ARMCX4: variants seen among roughly 807,000 people sequenced by gnomAD.
ARMCX4 encodes the protein armadillo repeat containing X-linked 4.
Under a neutral mutation model 34.7 loss-of-function variants are expected in ARMCX4, and 3 were observed. The observed-to-expected ratio is 0.09, with a 90% CI of 0.04 to 0.22. ARMCX4 has a LOEUF of 0.22. Among genes scored for constraint, ARMCX4 ranks in the 10% least tolerant of loss-of-function variants. ARMCX4 has a pLI of 1.00. For synonymous variants in ARMCX4, 513 were observed against 632.8 expected, an observed-to-expected ratio of 0.81 and a Z score of 2.84; for missense variants, 1,448 against 1,720.8, an observed-to-expected ratio of 0.84 and a Z score of 2.81.
intron 7 of ARMCX4, among the ~76,000 whole-genome samples, chrX:101,504,180 G>T (rs1165415084): frequency 9.0e-6 from 1 of 111,388 alleles, no homozygotes; most frequent in African/African-American, 3.3e-5. Context: ...TGCTGTTTTG[G>T]TTACTGTAGC....
intron 4 of ARMCX4, among the ~76,000 whole-genome samples, chrX:101,469,244 A>G (rs1357618829): frequency 8.9e-6 from 1 of 112,410 alleles, no homozygotes; most frequent in Non-Finnish European, 1.9e-5. Flanking sequence ...TGCAAAGATA[A>G]TTTTTGCAGC....
chrX:101,443,294 T>G (rs934715898), intron 2 of ARMCX4, among the ~76,000 whole-genome samples: 2 of 110,758 alleles, frequency 1.8e-5, no homozygotes, highest in Non-Finnish European at 3.8e-5. Context: ...TCTCTTGCCC[T>G]TCTGTCCCTT....
chrX:101,488,946 G>C lies in ARMCX4; in HGVS notation c.357G>C (p.Val119=). The change falls in exon 6 of 6, where the codon GTG becomes GTC. Residue 119 remains valine, a synonymous_variant. Coordinates refer to ENST00000423738, the MANE Select transcript of ARMCX4 (RefSeq NM_001256155.3). ...CAGAGACTCAATCTGAGTCCAAAGT[G>C]GTGGCTGGAACACTGGTCATGACAG... is the stretch of plus-strand genomic sequence containing the variant. ...AEPETQSESK[V]VAGTLVMTEA... The C allele has an allele frequency of 8.6e-7, 1 of 1,156,173 alleles. No individual in the cohort carries two copies. The highest frequency in any genetic ancestry group is 1.1e-6 in the Non-Finnish European group (1 of 873,083).
intron 11 of ARMCX4, among the ~76,000 whole-genome samples, chrX:101,525,856 A>G (rs1934960419): frequency 8.9e-6 from 1 of 111,990 alleles, no homozygotes; most frequent in South Asian, 3.7e-4. Flanking sequence ...ATGTGAAAAG[A>G]CCAAATCTGT....
downstream of ARMCX4, among the ~76,000 whole-genome samples, chrX:101,497,850 T>TA (rs1163211324): frequency 1.8e-5 from 2 of 112,129 alleles, no homozygotes; most frequent in African/African-American, 6.5e-5. Flanking sequence ...TACTCTACTG[T>TA]AAAAAAATAA....
chrX:101,512,890 A>AAG (rs1262070069), intron 11 of ARMCX4, among the ~76,000 whole-genome samples: 7 of 104,096 alleles, frequency 6.7e-5, no homozygotes, highest in Non-Finnish European at 1.2e-4. Flanking sequence ...AGAGAGAGAG[A>AAG]AGAGAGAGAG....
Position 101,493,337 on chromosome X carries a change from G to C in ARMCX4, c.4748G>C (p.Gly1583Ala), listed in dbSNP as rs149021828. The C allele has an allele frequency of 5.1e-3, 5,936 of 1,153,948 alleles. 160 individuals carry two copies. The African/African-American group carries it at 0.086, about 17-fold the overall frequency. ...GGATTTGAGGATCAGGCCATTGGAGGGGGGTTCTGGCCTGGTGCTGGGGAC... is the reference window on the plus strand; with the variant it reads ...GGATTTGAGGATCAGGCCATTGGAGCGGGGTTCTGGCCTGGTGCTGGGGAC... ...KPGFEDQAIG[G>A]GFWPGAGDQT... Residue 1583 changes from glycine (G) to alanine (A), a missense_variant, in exon 6 of 6, where the codon GGG becomes GCG. Around this residue, in one of 2 missense-constraint regions of ARMCX4, gnomAD observed 1,343 missense variants for 1,540.7 expected, o/e 0.87. Transcript: ENST00000423738.
rs933149648 is a variant in ARMCX4 at position 101,488,677 on chromosome X, G to A, written c.88G>A (p.Gly30Arg). ...TCYYIYKFTK[G>R]RAQSVRTLAR... ...CTACTACATTTACAAATTTACCAAG[G>A]GAAGAGCCCAGAGTGTGAGGACTCT... The change falls in exon 6 of 6, where the codon GGA (glycine) becomes AGA (arginine). Residue 30 changes from glycine (G) to arginine (R), a missense_variant. Coordinates refer to ENST00000423738, the MANE Select transcript of ARMCX4 (RefSeq NM_001256155.3). The A allele has an allele frequency of 3.5e-6, 4 of 1,156,167 alleles. No individual in the cohort carries two copies. Among genetic ancestry groups the A allele is most frequent in the South Asian group, 1.9e-5 (1 of 52,767 alleles).
chrX:101,452,307 G>A (rs1603146602), downstream of ARMCX4, among the ~76,000 whole-genome samples: 1 of 111,532 alleles, frequency 9.0e-6, no homozygotes, highest in Non-Finnish European at 1.9e-5. Context: ...TTATAAATAC[G>A]TGCTACATGA....
upstream of ARMCX4, among the ~76,000 whole-genome samples, chrX:101,484,874 A>G (rs375923293): frequency 5.3e-4 from 59 of 111,477 alleles, 1 homozygote; most frequent in African/African-American, 1.7e-3. Context: ...AAATGGCTAT[A>G]CTGTATTTTC....
intron 11 of ARMCX4, among the ~76,000 whole-genome samples, chrX:101,515,147 G>A (rs1436411486): frequency 2.7e-5 from 3 of 111,291 alleles, no homozygotes; most frequent in African/African-American, 9.8e-5. Context: ...ACGATTAACA[G>A]CAACCAACTA....
At chrX:101,451,253 G>A (rs1207224162), downstream of ARMCX4, among the ~76,000 whole-genome samples, 2 of 111,675 alleles carry the variant, frequency 1.8e-5, no homozygotes, top group African/African-American at 6.5e-5. Context: ...ACTGGGATGG[G>A]TAATTTCCCT....
chrX:101,534,822 T>G (rs1315379557), downstream of ARMCX4, among the ~76,000 whole-genome samples: 1 of 111,805 alleles, frequency 8.9e-6, no homozygotes, highest in Non-Finnish European at 1.9e-5. Context: ...CAAAATGATC[T>G]GACCACATGC....
At chrX:101,454,739 C>T (rs1219301160) in intron 4 of ARMCX4, among the ~76,000 whole-genome samples, 3 of 111,397 alleles carry the variant, frequency 2.7e-5, no homozygotes, top group African/African-American at 6.5e-5. Context: ...TTTGTCAATT[C>T]GGGCTGTCAT....
chrX:101,485,823 G>C (rs1017104743), intron 1 of ARMCX4, among the ~76,000 whole-genome samples, 200 bp from the exon 2 acceptor site: 20 of 111,979 alleles, frequency 1.8e-4, no homozygotes, highest in Non-Finnish European at 2.6e-4. Flanking sequence ...TAGTGGAAGG[G>C]ATGCGCCACG....
intron 4 of ARMCX4, among the ~76,000 whole-genome samples, chrX:101,470,774 A>G (rs1268500121): frequency 8.9e-6 from 1 of 112,344 alleles, no homozygotes; most frequent in Non-Finnish European, 1.9e-5. Flanking sequence ...TAAAGCTGAT[A>G]TAAACATTCA....
chrX:101,534,665 C>T (rs1174900905), downstream of ARMCX4, among the ~76,000 whole-genome samples: 3 of 107,408 alleles, frequency 2.8e-5, no homozygotes, highest in Non-Finnish European at 3.9e-5. Context: ...TTAAAGACTT[C>T]GAAGTAAAAA....
downstream of ARMCX4, chrX:101,498,228 C>G (rs979585057): frequency 9.2e-6 from 3 of 324,982 alleles, no homozygotes; most frequent in Non-Finnish European, 1.8e-5. Flanking sequence ...AGCCAACCTG[C>G]AACAGTTGGT....
chrX:101,468,294 T>C (rs1556002360), intron 4 of ARMCX4, among the ~76,000 whole-genome samples: 2 of 110,812 alleles, frequency 1.8e-5, no homozygotes, highest in African/African-American at 6.6e-5. Flanking sequence ...TCTTTTCTTT[T>C]TTTTCTTTTT....
Sources: gnomAD v4.1 joint callset for allele counts (sites outside exome capture counted in the v4.1 genomes callset) on GRCh38, gnomAD v4.1.1 for gene constraint, gnomAD v4.1.1 regional missense constraint, MANE v1.5 for transcripts, NCBI Gene and HGNC (gene_info 2026-07-23, HGNC 2026-07-21) for gene names.